The following EXOC2 variants were observed in gnomAD, a reference collection of about 807,000 sequenced individuals.
The protein encoded by EXOC2 is SEC5-like 1.
EXOC2 carries 70 observed loss-of-function variants against 131.8 expected under a neutral mutation model. That is an observed-to-expected ratio of 0.53 (90% CI 0.44 to 0.65). EXOC2 has a LOEUF of 0.65. EXOC2 is among the 30% of genes least tolerant of loss of function. The probability of loss-of-function intolerance (pLI) is 0.00; values close to 1 mark genes in which losing one functional copy is unlikely to be tolerated. For missense variants in EXOC2, 923 were observed against 1,108.6 expected (o/e 0.83, Z 2.38); for synonymous variants, 411 against 398.4 (o/e 1.03, Z -0.38).
chr6:533,286 G>T (rs1365097852), intron 22 of EXOC2, among the ~76,000 whole-genome samples: 1 of 152,134 alleles, frequency 6.6e-6, no homozygotes, highest in African/African-American at 2.4e-5. Context: ...ATACTAAATT[G>T]TAATAGCCAG....
At chr6:495,529 A>G (rs1448110554) in intron 25 of EXOC2, among the ~76,000 whole-genome samples, 3 of 152,212 alleles carry the variant, frequency 2.0e-5, no homozygotes, top group Admixed American at 6.5e-5. Flanking sequence ...ATACGTTTTC[A>G]GTTCTCTTGC....
intron 11 of EXOC2, among the ~76,000 whole-genome samples, chr6:585,406 G>A (rs1759151266): frequency 6.6e-6 from 1 of 152,174 alleles, no homozygotes; most frequent in South Asian, 2.1e-4. Context: ...ATACTCCGAA[G>A]GGCACCATCT....
chr6:558,961 A>G (rs1226323317), intron 17 of EXOC2, among the ~76,000 whole-genome samples: 1 of 152,232 alleles, frequency 6.6e-6, no homozygotes, highest in Non-Finnish European at 1.5e-5. Flanking sequence ...AGAATACTAG[A>G]AAGTTCAATG....
chr6:632,768 C>T (rs1057181193), intron 3 of EXOC2, among the ~76,000 whole-genome samples, 173 bp downstream of exon 3: 4 of 152,112 alleles, frequency 2.6e-5, no homozygotes, highest in African/African-American at 4.8e-5. Flanking sequence ...ACTGCCTTCC[C>T]GAAAGTAACA....
intron 23 of EXOC2, among the ~76,000 whole-genome samples, chr6:514,621 C>A (rs1272542200): frequency 6.6e-6 from 1 of 152,228 alleles, no homozygotes; most frequent in Non-Finnish European, 1.5e-5. Context: ...TTCTTAGGAG[C>A]TGCAGGGCGA....
intron 1 of EXOC2, among the ~76,000 whole-genome samples, chr6:645,256 T>C (rs1183289369): frequency 6.8e-6 from 1 of 147,252 alleles, no homozygotes. Context: ...AAAAAAGGAA[T>C]GTTAACTGCA....
intron 23 of EXOC2, among the ~76,000 whole-genome samples, chr6:502,282 A>G (rs1764261025): frequency 1.3e-5 from 2 of 152,202 alleles, no homozygotes; most frequent in African/African-American, 4.8e-5. Context: ...TGCAAGAACA[A>G]GTGTCAGGAT....
At chr6:672,350 C>T (rs1763914345) in intron 1 of EXOC2, among the ~76,000 whole-genome samples, 1 of 152,178 alleles carries the variant, frequency 6.6e-6, no homozygotes, top group East Asian at 1.9e-4. Context: ...CCATTAGGAC[C>T]CTTAGCATAT....
At chr6:559,587 T>A (rs1334825980) in intron 17 of EXOC2, among the ~76,000 whole-genome samples, 2 of 152,228 alleles carry the variant, frequency 1.3e-5, no homozygotes, top group Non-Finnish European at 1.5e-5. Flanking sequence ...GATAGTTATG[T>A]GGCTTGTGTG....
chr6:604,969 C>T (rs1760321635), intron 7 of EXOC2, among the ~76,000 whole-genome samples: 1 of 152,072 alleles, frequency 6.6e-6, no homozygotes. Flanking sequence ...GGACTCCCAC[C>T]AGAGCAGTAT....
chr6:688,736 T>A (rs1764780157), intron 1 of EXOC2, among the ~76,000 whole-genome samples: 2 of 152,332 alleles, frequency 1.3e-5, no homozygotes, highest in Admixed American at 6.5e-5. Context: ...TCACCACTCC[T>A]TGTATATTCC....
chr6:658,665 A>ATTT (rs10657323), intron 1 of EXOC2, among the ~76,000 whole-genome samples: 31 of 115,536 alleles, frequency 2.7e-4, no homozygotes, highest in East Asian at 1.1e-3. Flanking sequence ...ATATATATAT[A>ATTT]TTTTTTTTTT....
intron 1 of EXOC2, among the ~76,000 whole-genome samples, chr6:661,427 T>G (rs1049190946): frequency 1.3e-5 from 2 of 152,184 alleles, no homozygotes; most frequent in Non-Finnish European, 2.9e-5. Flanking sequence ...GGAAAACCTA[T>G]CAGATTAACA....
intron 4 of EXOC2, among the ~76,000 whole-genome samples, chr6:624,461 A>C (rs1296732877): frequency 6.6e-6 from 1 of 152,208 alleles, no homozygotes; most frequent in Non-Finnish European, 1.5e-5. Flanking sequence ...CAAAAATGTT[A>C]TTTGCTATTA....
intron 12 of EXOC2, among the ~76,000 whole-genome samples, chr6:573,873 C>G (rs1758429532): frequency 6.6e-6 from 1 of 152,158 alleles, no homozygotes; most frequent in Admixed American, 6.5e-5. Context: ...GTTATTGTGA[C>G]TCTTTCTGAA....
At chr6:536,691 T>C (rs138868503) in intron 22 of EXOC2, among the ~76,000 whole-genome samples, 40 of 152,268 alleles carry the variant, frequency 2.6e-4, no homozygotes, top group African/African-American at 9.1e-4. Context: ...GGCATAAGGA[T>C]AGACATCATA....
chr6:491,010 A>T, intron 26 of EXOC2, 115 bp downstream of exon 26: 1 of 1,090,708 alleles, frequency 9.2e-7, no homozygotes, highest in Non-Finnish European at 1.4e-6. Flanking sequence ...ACTTTATCAC[A>T]TCACAAATTC....
In EXOC2 at chr6:599,332, G is replaced by A. The variant is rs923519396; in HGVS notation, c.743-107C>T. 27 of 1,046,002 alleles carry A rather than the reference G, an allele frequency of 2.6e-5. No individual in the cohort carries two copies. In the African/African-American group the frequency reaches 3.1e-4, roughly 12 times the overall value. 64.8% of individuals were successfully genotyped at this position (1,046,002 alleles called of 1,614,324 possible). A position where few individuals can be genotyped will look rare whatever the true frequency, so the allele number is the denominator to read the frequency against. On this transcript the variant is annotated intron_variant, in intron 7 of 27. Coordinates refer to ENST00000230449, the MANE Select transcript of EXOC2 (RefSeq NM_018303.6). ...GTTAATACTGCTATTGTAGTTTTAC[G>A]TTAAAACTCAGACTGTTTTTCAGTT...
At chr6:501,788 G>C (rs1764219934) in intron 23 of EXOC2, among the ~76,000 whole-genome samples, 1 of 148,586 alleles carries the variant, frequency 6.7e-6, no homozygotes, top group Admixed American at 6.9e-5. Flanking sequence ...ATTTTGCTGA[G>C]ATGGCTGAGT....
Sources: gnomAD v4.1 joint callset for allele counts (sites outside exome capture counted in the v4.1 genomes callset) on GRCh38, gnomAD v4.1.1 for gene constraint, MANE v1.5 for transcripts, NCBI Gene and HGNC (gene_info 2026-07-23, HGNC 2026-07-21) for gene names.